Variants in DISC1 observed in about 807,000 individuals in gnomAD.
The protein encoded by DISC1 is disrupted in schizophrenia 1 protein.
A neutral mutation model predicts 84.5 loss-of-function variants in DISC1; 57 were observed. The ratio of observed to expected loss-of-function variants is 0.67; its 90% confidence interval spans 0.55 to 0.84. The LOEUF is 0.84. Among genes scored for constraint, DISC1 ranks in the 40% least tolerant of loss-of-function variants. DISC1 has a pLI of 0.00. For missense variants in DISC1, 1,000 were observed against 1,057.8 expected (o/e 0.95, Z 0.76); for synonymous variants, 411 against 415.2 (o/e 0.99, Z 0.12).
At chr1:231,965,079 T>A (rs911777923) in intron 10 of DISC1, among the ~76,000 whole-genome samples, 3 of 152,168 alleles carry the variant, frequency 2.0e-5, no homozygotes, top group African/African-American at 7.2e-5. Context: ...TGAGGCAAAC[T>A]CAGGTGGACT....
chr1:231,951,430 A>G (rs1386628085), intron 9 of DISC1, among the ~76,000 whole-genome samples: 1 of 152,210 alleles, frequency 6.6e-6, no homozygotes, highest in Non-Finnish European at 1.5e-5. Flanking sequence ...AATGCCTGCT[A>G]TTCTAAAACA....
chr1:231,915,364 A>C (rs915545058), intron 9 of DISC1, among the ~76,000 whole-genome samples: 2 of 152,198 alleles, frequency 1.3e-5, no homozygotes, highest in African/African-American at 4.8e-5. Context: ...GGACATCTGA[A>C]TGTTGTCCCT....
chr1:231,955,486 CTT>C (rs200610198), intron 9 of DISC1, among the ~76,000 whole-genome samples: 34,830 of 133,204 alleles, frequency 0.26, 4,616 homozygotes, highest in African/African-American at 0.35. Context: ...TCATTCTTGA[CTT>C]TTTTTTTTTT....
intron 8 of DISC1, among the ~76,000 whole-genome samples, chr1:231,812,306 G>A (rs1307944175): frequency 6.6e-6 from 1 of 152,062 alleles, no homozygotes; most frequent in South Asian, 2.1e-4. Flanking sequence ...TCCCATCTTG[G>A]CTTGCCAAAG....
At chr1:231,833,664 C>T (rs1255431481) in intron 9 of DISC1, among the ~76,000 whole-genome samples, 1 of 152,170 alleles carries the variant, frequency 6.6e-6, no homozygotes, top group Non-Finnish European at 1.5e-5. Flanking sequence ...AGATTTCTGG[C>T]ACTTGTAGCA....
At chr1:231,962,903 C>T (rs982268979) in intron 10 of DISC1, among the ~76,000 whole-genome samples, 3 of 152,154 alleles carry the variant, frequency 2.0e-5, no homozygotes, top group African/African-American at 7.2e-5. Context: ...TCACTCAGTT[C>T]CCAGTCTTGT....
At chr1:232,005,750 T>A (rs1204865792) in intron 10 of DISC1, among the ~76,000 whole-genome samples, 2 of 152,166 alleles carry the variant, frequency 1.3e-5, no homozygotes, top group African/African-American at 4.8e-5. Context: ...GACAGAGAAC[T>A]GGAATATATA....
chr1:231,867,454 A>G (rs2085143161), intron 9 of DISC1, among the ~76,000 whole-genome samples: 10 of 152,178 alleles, frequency 6.6e-5, no homozygotes, highest in Admixed American at 6.5e-4. Context: ...TTAAAAAATA[A>G]TAATAATAGA....
In DISC1 at chr1:231,936,274, C is replaced by T. The variant is rs142587776; in HGVS notation, c.1982-22554C>T. Among the ~76,000 whole-genome samples, 189 of 152,206 alleles carry T rather than the reference C, an allele frequency of 1.2e-3. 1 individual carries two copies. The highest frequency in any genetic ancestry group is 3.9e-3 in the African/African-American group (161 of 41,522). Reference sequence around the variant, plus strand: ...CCACTTTTTTTTCTCATAGATTCACCGTTTTCATCCTGCCCATATTCTCCC... The same window carrying T: ...CCACTTTTTTTTCTCATAGATTCACTGTTTTCATCCTGCCCATATTCTCCC... On this transcript the variant is annotated intron_variant, in intron 9 of 12. Transcript: ENST00000439617.
chr1:231,734,478 C>T (rs908025077), intron 3 of DISC1, among the ~76,000 whole-genome samples: 26 of 82,748 alleles, frequency 3.1e-4, no homozygotes, highest in Non-Finnish European at 6.9e-4. Context: ...ATTGGCATCA[C>T]GTGCTCTCTC....
chr1:231,984,252 A>G (rs1362705603), intron 10 of DISC1, among the ~76,000 whole-genome samples: 1 of 152,262 alleles, frequency 6.6e-6, no homozygotes, highest in Admixed American at 6.5e-5. Flanking sequence ...AGTAAAGTAC[A>G]AGTTTACCAG....
chr1:231,654,003 A>T (rs1422614282), intron 1 of DISC1, among the ~76,000 whole-genome samples: 1 of 152,190 alleles, frequency 6.6e-6, no homozygotes, highest in African/African-American at 2.4e-5. Flanking sequence ...GAGGTTCTCA[A>T]CCAGAGGGTG....
chr1:231,664,578 T>C (rs573863152), intron 1 of DISC1, among the ~76,000 whole-genome samples: 1 of 152,232 alleles, frequency 6.6e-6, no homozygotes, highest in East Asian at 1.9e-4. Context: ...CAGAGAGAGA[T>C]TTGAAGATGC....
chr1:231,712,830 G>T lies in DISC1; in HGVS notation c.1117+10806G>T, dbSNP rs568940178. Among the ~76,000 whole-genome samples, 3 of 152,292 alleles carry T rather than the reference G, an allele frequency of 2.0e-5. No homozygotes were observed. The South Asian group carries it at 6.2e-4, about 32-fold the overall frequency. ...AGCTAACAAACTGCAAAAACCTGGG[G>T]CAAAAGATTACTGGTTGAGGTGTAC... On this transcript the variant is annotated intron_variant, in intron 3 of 12. Transcript: ENST00000439617.
At chr1:231,817,471 C>G (rs1411345572) in intron 8 of DISC1, among the ~76,000 whole-genome samples, 1 of 152,146 alleles carries the variant, frequency 6.6e-6, no homozygotes, top group Non-Finnish European at 1.5e-5. Context: ...ATCAATGAAT[C>G]AATGTGGGGA....
intron 9 of DISC1, among the ~76,000 whole-genome samples, chr1:231,933,148 A>G (rs2090773960): frequency 1.3e-5 from 2 of 152,186 alleles, no homozygotes; most frequent in Non-Finnish European, 2.9e-5. Flanking sequence ...TGAGGGAAGT[A>G]ATAGTATTGT....
At chr1:231,724,286 C>T (rs187653977) in intron 3 of DISC1, among the ~76,000 whole-genome samples, 461 of 152,276 alleles carry the variant, frequency 3.0e-3, no homozygotes, top group African/African-American at 0.01. Flanking sequence ...CATGAAACAG[C>T]GGGGCTCTAG....
At chr1:231,811,644 G>A (rs143792616) in intron 8 of DISC1, among the ~76,000 whole-genome samples, 41 of 152,342 alleles carry the variant, frequency 2.7e-4, no homozygotes, top group African/African-American at 8.9e-4. Flanking sequence ...TGTGTGAGGG[G>A]TACCCCAGGT....
chr1:231,699,172 G>T (rs573978446), intron 2 of DISC1, among the ~76,000 whole-genome samples: 1 of 152,140 alleles, frequency 6.6e-6, no homozygotes, highest in Non-Finnish European at 1.5e-5. Context: ...ATGCTTCAGC[G>T]TAGAGGTAAC....
Sources: gnomAD v4.1 joint callset for allele counts (sites outside exome capture counted in the v4.1 genomes callset) on GRCh38, gnomAD v4.1.1 for gene constraint, MANE v1.5 for transcripts, NCBI Gene and HGNC (gene_info 2026-07-23, HGNC 2026-07-21) for gene names.